The following MGAT5B variants were observed in gnomAD, a reference collection of about 807,000 sequenced individuals.
The protein encoded by MGAT5B is N-acetylglucosaminyl-transferase Vb.
Under a neutral mutation model 95.1 loss-of-function variants are expected in MGAT5B, and 54 were observed. The ratio of observed to expected loss-of-function variants is 0.57; its 90% CI spans 0.46 to 0.71. The LOEUF is 0.71. MGAT5B is among the 30% of genes least tolerant of loss of function. MGAT5B has a pLI of 0.00. For synonymous variants in MGAT5B, 464 were observed against 451.0 expected, an observed-to-expected ratio of 1.03 and a Z score of -0.36; for missense variants, 935 against 1,088.6, an observed-to-expected ratio of 0.86 and a Z score of 1.99.
chr17:76,911,221 G>A (rs533498152), intron 8 of MGAT5B, among the ~76,000 whole-genome samples: 10 of 152,346 alleles, frequency 6.6e-5, no homozygotes, highest in African/African-American at 1.9e-4. Flanking sequence ...AATTGGAAAA[G>A]CTTGAGGCTG....
At chr17:76,913,984 C>T (rs1968836921) in intron 8 of MGAT5B, 1 of 348,844 alleles carries the variant, frequency 2.9e-6, no homozygotes, top group Non-Finnish European at 5.7e-6. Flanking sequence ...GCCTGTGGTC[C>T]CAGCTACTCA....
Position 76,868,898 on chromosome 17 carries a change from CCG to C in MGAT5B, c.-126_-125del. ...AGGCCTGAGCAGCGAGGCCACCGGG[CCG>C]CGCGCTCCCAGCTTCGCTCGGACGC... On this transcript the variant is annotated 5_prime_UTR_variant, in exon 1 of 18. Transcript: ENST00000569840. This position sits in a 1 kb window ranked among gnomAD's most constrained non-coding sequence, Gnocchi z 6.3. 1 of 761,092 alleles carries C rather than the reference CCG, an allele frequency of 1.3e-6. No homozygotes were observed. The highest frequency in any genetic ancestry group is 2.0e-6 in the Non-Finnish European group (1 of 495,580). The allele number at this position is 761,092 out of a possible 1,614,324, so 47.1% of individuals were successfully genotyped here.
intron 8 of MGAT5B, among the ~76,000 whole-genome samples, chr17:76,920,429 A>G (rs1969090824): frequency 6.6e-6 from 1 of 152,154 alleles, no homozygotes; most frequent in South Asian, 2.1e-4. Flanking sequence ...GGCATTTTCA[A>G]TTCATGTCAC....
At position 76,940,885 on chromosome 17, in the gene MGAT5B, G is replaced by A; in HGVS notation, c.1848+37G>A. 1 of 1,507,912 alleles carries A rather than the reference G, an allele frequency of 6.6e-7. No homozygotes were observed. The highest frequency in any genetic ancestry group is 9.2e-7 in the Non-Finnish European group (1 of 1,084,068). 93.4% of individuals were successfully genotyped at this position (1,507,912 alleles called of 1,614,324 possible). On this transcript the variant is annotated intron_variant, in intron 15 of 17. Coordinates refer to ENST00000569840, the MANE Select transcript of MGAT5B (RefSeq NM_001199172.2). This position sits in a 1 kb window ranked among gnomAD's most constrained non-coding sequence, Gnocchi z 4.3. Reference sequence around the variant, plus strand: ...CACATACAGTTGAGACCCCCCACTAGTCCACACTGCTGGTCTTCACTCTGA... The same window carrying A: ...CACATACAGTTGAGACCCCCCACTAATCCACACTGCTGGTCTTCACTCTGA...
intron 12 of MGAT5B, among the ~76,000 whole-genome samples, chr17:76,935,907 A>T (rs1175114406): frequency 7.7e-6 from 1 of 129,962 alleles, no homozygotes; most frequent in African/African-American, 2.8e-5. Flanking sequence ...TATATACATT[A>T]TATATATTAT....
At chr17:76,900,895 G>A (rs1004856989) in intron 3 of MGAT5B, among the ~76,000 whole-genome samples, 2 of 149,464 alleles carry the variant, frequency 1.3e-5, no homozygotes, top group Non-Finnish European at 2.9e-5. Context: ...GTGCATGTGT[G>A]TGCATGTGTG....
At chr17:76,935,850 TACTA>T (rs141582924) in intron 12 of MGAT5B, among the ~76,000 whole-genome samples, 45,059 of 109,320 alleles carry the variant, frequency 0.41, 9,778 homozygotes, top group Middle Eastern at 0.44. Context: ...ACATTATATA[TACTA>T]TATATATTAT....
chr17:76,880,138 C>T (rs1967355871), intron 2 of MGAT5B, among the ~76,000 whole-genome samples: 1 of 152,184 alleles, frequency 6.6e-6, no homozygotes, highest in African/African-American at 2.4e-5. Flanking sequence ...CGACCCCCTC[C>T]GTGAGCCTTC....
intron 4 of MGAT5B, 24 bp downstream of exon 4, chr17:76,902,694 C>T (rs1416544220): frequency 6.6e-7 from 1 of 1,523,744 alleles, no homozygotes; most frequent in Non-Finnish European, 8.9e-7. Context: ...GGCGGGGGTA[C>T]CCTCTACCCC....
chr17:76,892,410 A>G (rs561941803), intron 3 of MGAT5B, among the ~76,000 whole-genome samples: 2 of 152,350 alleles, frequency 1.3e-5, no homozygotes, highest in East Asian at 1.9e-4. Flanking sequence ...CTGCCCCGCA[A>G]TGAAGCCCCA....
Position 76,949,263 on chromosome 17 carries a change from G to C in MGAT5B, c.*425G>C, listed in dbSNP as rs990441851. 1.0e-5 allele frequency: 2 copies of C among 191,366 alleles called. No homozygotes were observed. Among genetic ancestry groups the C allele is most frequent in the South Asian group, 2.2e-4 (2 of 9,046 alleles). The allele number at this position is 191,366 out of a possible 1,614,324, so 11.9% of individuals were successfully genotyped here. A position where few individuals can be genotyped will look rare whatever the true frequency, so the allele number is the denominator to read the frequency against. ...AGGAACAGGGACCAGGCTGCCCCAC[G>C]GTCCCTGAAGGGTCCAAGGAGGGGC... On this transcript the variant is annotated 3_prime_UTR_variant, in exon 18 of 18. Transcript: ENST00000569840.
At chr17:76,892,937 A>G (rs1967929139) in intron 3 of MGAT5B, among the ~76,000 whole-genome samples, 1 of 152,154 alleles carries the variant, frequency 6.6e-6, no homozygotes, top group Admixed American at 6.5e-5. Flanking sequence ...CCAAGGCCCC[A>G]GGTAGAAAAG....
At chr17:76,941,805 AGGCAGG>A (rs1298145269) in intron 15 of MGAT5B, among the ~76,000 whole-genome samples, 1 of 152,228 alleles carries the variant, frequency 6.6e-6, no homozygotes, top group East Asian at 1.9e-4. Flanking sequence ...GTGCCAGGTG[AGGCAGG>A]GTGTGTATCA....
rs1028798707 is a variant in MGAT5B, at chr17:76,930,995, G to A, written c.1292-1650G>A. Among the ~76,000 whole-genome samples, 1 of 152,228 alleles carries A rather than the reference G, an allele frequency of 6.6e-6. No homozygotes were observed. The highest frequency in any genetic ancestry group is 2.4e-5 in the African/African-American group (1 of 41,458). ...CTTTTCCCCTGTCTCATCCATCTTTGTCCAGCATTCATAAAGCCAGCCCAG... is the reference window on the plus strand; with the variant it reads ...CTTTTCCCCTGTCTCATCCATCTTTATCCAGCATTCATAAAGCCAGCCCAG... On this transcript the variant is annotated intron_variant, in intron 10 of 17. Transcript: ENST00000569840. This position sits in a 1 kb window ranked among gnomAD's most constrained non-coding sequence, Gnocchi z 4.1.
chr17:76,902,937 G>A (rs1051913614), intron 4 of MGAT5B, among the ~76,000 whole-genome samples: 1 of 152,158 alleles, frequency 6.6e-6, no homozygotes, highest in African/African-American at 2.4e-5. Flanking sequence ...GCCACCTGGG[G>A]AAGGGTCCCT....
At chr17:76,945,333 A>C (rs1320536628) in intron 15 of MGAT5B, among the ~76,000 whole-genome samples, 1 of 152,214 alleles carries the variant, frequency 6.6e-6, no homozygotes, top group African/African-American at 2.4e-5. Context: ...TCTGTTGCCC[A>C]GGCTGGAGTG....
chr17:76,880,857 C>A (rs1967385126), intron 2 of MGAT5B, among the ~76,000 whole-genome samples: 1 of 152,160 alleles, frequency 6.6e-6, no homozygotes. Flanking sequence ...CACTCTCCTG[C>A]TGGGGTTTCC....
At chr17:76,932,493 G>A (rs1180807148) in intron 10 of MGAT5B, 152 bp from the exon 11 acceptor site, 4 of 1,075,818 alleles carry the variant, frequency 3.7e-6, no homozygotes, top group South Asian at 3.2e-5. Flanking sequence ...ACAGGCCGGG[G>A]CACTGATTAC....
intron 3 of MGAT5B, among the ~76,000 whole-genome samples, chr17:76,899,782 A>G (rs754320657): frequency 6.6e-6 from 1 of 152,018 alleles, no homozygotes; most frequent in Non-Finnish European, 1.5e-5. Context: ...GCAGACATCA[A>G]ATCGGCATGT....
Sources: allele counts gnomAD v4.1 joint callset (sites outside exome capture counted in the v4.1 genomes callset), GRCh38; gene constraint gnomAD v4.1.1; non-coding constraint Gnocchi (gnomAD v3.1); transcripts MANE v1.5; gene names NCBI Gene and HGNC (gene_info 2026-07-23, HGNC 2026-07-21).